HSD17B12: variants seen among roughly 807,000 people sequenced by gnomAD.
HSD17B12 encodes the protein hydroxysteroid 17-beta dehydrogenase 12, also known as very-long-chain 3-oxoacyl-CoA reductase.
A neutral mutation model predicts 39.3 loss-of-function variants in HSD17B12; 32 were observed. That is an observed-to-expected ratio of 0.81 (90% CI 0.61 to 1.09). The LOEUF is 1.09. Ranked by LOEUF, HSD17B12 falls within the 50% of genes least tolerant of loss-of-function variation. The pLI is 0.00. For missense variants in HSD17B12, 342 were observed against 382.9 expected, an observed-to-expected ratio of 0.89 and a Z score of 0.89; for synonymous variants, 150 against 146.7, an observed-to-expected ratio of 1.02 and a Z score of -0.16.
chr11:43,589,969 G>A, the HSD17B12 span, among the ~76,000 whole-genome samples: 1 of 152,214 alleles, frequency 6.6e-6, no homozygotes, highest in Non-Finnish European at 1.5e-5. Flanking sequence ...TGAGCTGTCA[G>A]TAAATACACA....
chr11:43,695,047 G>A (rs1426812735), intron 1 of HSD17B12, among the ~76,000 whole-genome samples: 1 of 152,050 alleles, frequency 6.6e-6, no homozygotes, highest in Non-Finnish European at 1.5e-5. Context: ...TTAGCCCCAA[G>A]TGGTGGCATA....
the HSD17B12 span, among the ~76,000 whole-genome samples, chr11:43,649,162 A>G: frequency 6.6e-6 from 1 of 151,920 alleles, no homozygotes; most frequent in African/African-American, 2.4e-5. Flanking sequence ...TGTAGTTTAT[A>G]AGGGGAGAAA....
At chr11:43,781,586 T>C (rs1950766310) in intron 3 of HSD17B12, among the ~76,000 whole-genome samples, 1 of 152,184 alleles carries the variant, frequency 6.6e-6, no homozygotes. Context: ...TGCTTATTAT[T>C]TGAGTGTCAT....
the HSD17B12 span, among the ~76,000 whole-genome samples, chr11:43,610,098 A>G: frequency 5.3e-5 from 8 of 152,164 alleles, no homozygotes; most frequent in Non-Finnish European, 7.3e-5. Context: ...CCTTTTCCCT[A>G]AAGGATTTCT....
chr11:43,711,041 C>T (rs891718982), intron 1 of HSD17B12, among the ~76,000 whole-genome samples: 2 of 152,182 alleles, frequency 1.3e-5, no homozygotes, highest in African/African-American at 4.8e-5. Flanking sequence ...GATCCACCCA[C>T]CTTAGCTTCC....
chr11:43,750,219 T>A (rs2134938528), intron 1 of HSD17B12, among the ~76,000 whole-genome samples: 1 of 152,260 alleles, frequency 6.6e-6, no homozygotes, highest in Admixed American at 6.5e-5. Flanking sequence ...GATTCCCGTA[T>A]TGCCCTTCCC....
chr11:43,558,627 G>A, the HSD17B12 span, among the ~76,000 whole-genome samples: 2 of 152,116 alleles, frequency 1.3e-5, no homozygotes, highest in African/African-American at 4.8e-5. Flanking sequence ...CTACTTGAAT[G>A]TCTGGTTCAG....
At chr11:43,647,293 G>A in the HSD17B12 span, among the ~76,000 whole-genome samples, 18 of 151,602 alleles carry the variant, frequency 1.2e-4, no homozygotes, top group African/African-American at 4.1e-4. Context: ...TTATTTTTTC[G>A]GAGACAGGGT....
At chr11:43,678,026 T>G (rs1297237978), upstream of HSD17B12, among the ~76,000 whole-genome samples, 1 of 152,246 alleles carries the variant, frequency 6.6e-6, no homozygotes, top group Non-Finnish European at 1.5e-5. Context: ...TCACAATGGT[T>G]GAACTAGTTT....
chr11:43,599,238 CT>C, the HSD17B12 span, among the ~76,000 whole-genome samples: 1 of 152,042 alleles, frequency 6.6e-6, no homozygotes, highest in Admixed American at 6.6e-5. Context: ...TTCTTTTATG[CT>C]CTTCTGCACT....
the HSD17B12 span, chr11:43,640,950 A>G: frequency 6.6e-6 from 1 of 151,792 alleles, no homozygotes; most frequent in Non-Finnish European, 1.5e-5. Context: ...TTATTTCTAT[A>G]GGAAAATAGC....
the HSD17B12 span, among the ~76,000 whole-genome samples, chr11:43,580,259 C>T: frequency 6.6e-6 from 1 of 151,970 alleles, no homozygotes; most frequent in South Asian, 2.1e-4. Flanking sequence ...GTCTTCCCTC[C>T]CCTCCTTTCT....
At chr11:43,767,878 G>A (rs1357221988) in intron 3 of HSD17B12, among the ~76,000 whole-genome samples, 1 of 152,178 alleles carries the variant, frequency 6.6e-6, no homozygotes, top group Non-Finnish European at 1.5e-5. Flanking sequence ...TGCAATACCT[G>A]ATGAAAGTAT....
At chr11:43,580,066 T>TGG in the HSD17B12 span, among the ~76,000 whole-genome samples, 5 of 119,958 alleles carry the variant, frequency 4.2e-5, no homozygotes, top group African/African-American at 1.5e-4. Context: ...TAGGTACTAA[T>TGG]GGGGGGGGGG....
chr11:43,623,323 T>C, the HSD17B12 span, among the ~76,000 whole-genome samples: 1 of 152,108 alleles, frequency 6.6e-6, no homozygotes, highest in African/African-American at 2.4e-5. Flanking sequence ...TCAATCATAT[T>C]TTTAACTCTT....
chr11:43,814,713 A>C (rs1326960427), intron 4 of HSD17B12, among the ~76,000 whole-genome samples: 1 of 152,116 alleles, frequency 6.6e-6, no homozygotes, highest in Non-Finnish European at 1.5e-5. Context: ...ATTTAGTCTG[A>C]CCCACTCCCT....
chr11:43,559,759 G>A, the HSD17B12 span: 8 of 156,038 alleles, frequency 5.1e-5, no homozygotes, highest in South Asian at 4.1e-4. Context: ...TTCACGCGAC[G>A]TTGGAGAGCA....
intron 9 of HSD17B12, among the ~76,000 whole-genome samples, chr11:43,841,051 G>GT (rs748728341): frequency 2.8e-4 from 43 of 152,112 alleles, no homozygotes; most frequent in Non-Finnish European, 4.1e-4. Flanking sequence ...TATTTTGTTT[G>GT]TTTTTTATAA....
chr11:43,690,615 A>G (rs941931153), intron 1 of HSD17B12, among the ~76,000 whole-genome samples: 5 of 151,344 alleles, frequency 3.3e-5, no homozygotes, highest in African/African-American at 9.7e-5. Context: ...CTTATCAGCT[A>G]CAAATCTAAC....
Sources: allele counts gnomAD v4.1 joint callset (sites outside exome capture counted in the v4.1 genomes callset), GRCh38; gene constraint gnomAD v4.1.1; transcripts MANE v1.5; gene names NCBI Gene and HGNC (gene_info 2026-07-23, HGNC 2026-07-21).